Variants in GPC5 observed in about 807,000 individuals in gnomAD.
GPC5 encodes the protein glypican-5.
In GPC5, 47 loss-of-function variants were observed where a neutral mutation model predicts 53.9. The ratio of observed to expected loss-of-function variants is 0.87; its 90% CI spans 0.69 to 1.11. GPC5 has a LOEUF of 1.11. Ranked by LOEUF, GPC5 falls within the 50% of genes most tolerant of loss-of-function variation. The probability of loss-of-function intolerance (pLI) is 0.00; values close to 1 mark genes in which losing one functional copy is unlikely to be tolerated. For synonymous variants in GPC5, 286 were observed against 263.3 expected (o/e 1.09, Z -0.84); for missense variants, 748 against 713.1 (o/e 1.05, Z -0.56).
chr13:92,739,727 AAG>A (rs142048278), intron 7 of GPC5, among the ~76,000 whole-genome samples: 50 of 148,180 alleles, frequency 3.4e-4, no homozygotes, highest in Admixed American at 8.1e-4. Flanking sequence ...AAGAAAAAAA[AAG>A]AGAGAGAGAG....
At chr13:92,726,420 T>C (rs1460800554) in intron 7 of GPC5, among the ~76,000 whole-genome samples, 1 of 151,584 alleles carries the variant, frequency 6.6e-6, no homozygotes, top group African/African-American at 2.4e-5. Context: ...TGAGACAGGA[T>C]CTAACTCTAT....
chr13:92,476,666 T>G (rs1879145510), intron 7 of GPC5, among the ~76,000 whole-genome samples: 1 of 149,046 alleles, frequency 6.7e-6, no homozygotes, highest in Admixed American at 6.6e-5. Flanking sequence ...AATGATAGAC[T>G]GGATTAAGAA....
At chr13:91,860,813 T>G (rs1270008596) in intron 5 of GPC5, among the ~76,000 whole-genome samples, 1 of 152,218 alleles carries the variant, frequency 6.6e-6, no homozygotes, top group Admixed American at 6.5e-5. Context: ...GTATACCATA[T>G]TTTCTTTATC....
intron 2 of GPC5, 135 bp from the exon 3 acceptor site, chr13:91,693,052 T>C: frequency 1.5e-6 from 1 of 666,778 alleles, no homozygotes; most frequent in South Asian, 2.0e-5. Flanking sequence ...GAAAGCTGAA[T>C]TTGGTTGAGT....
intron 7 of GPC5, among the ~76,000 whole-genome samples, chr13:92,767,139 T>C (rs1875433779): frequency 6.6e-6 from 1 of 152,148 alleles, no homozygotes; most frequent in African/African-American, 2.4e-5. Context: ...TTGTTTTTGT[T>C]TGTTTGTTTG....
chr13:92,199,890 T>C (rs1234550944), intron 7 of GPC5, among the ~76,000 whole-genome samples: 3 of 152,202 alleles, frequency 2.0e-5, no homozygotes, highest in African/African-American at 7.2e-5. Flanking sequence ...AGGAATTTCT[T>C]TGAGAAAATA....
intron 5 of GPC5, among the ~76,000 whole-genome samples, chr13:91,857,941 A>G (rs1215404273): frequency 3.3e-5 from 5 of 151,574 alleles, no homozygotes; most frequent in Non-Finnish European, 1.5e-5. Flanking sequence ...GGATGTTAAA[A>G]TAACTTTTTA....
Position 92,126,734 on chromosome 13 carries a change from GA to G in GPC5, c.1402-18089del, listed in dbSNP as rs571029749. Among the ~76,000 whole-genome samples the G allele has an allele frequency of 1.7e-3, 251 of 152,052 alleles. 2 individuals carry two copies. Among genetic ancestry groups the G allele is most frequent in the African/African-American group, 5.8e-3 (239 of 41,478 alleles). On this transcript the variant is annotated intron_variant, in intron 6 of 7. Transcript: ENST00000377067. ...ATCATAAAATGGATTTGAGTAGAGA[GA>G]AAAAAACTCATTAAAACATGTAGGG... is the stretch of plus-strand genomic sequence containing the variant.
intron 7 of GPC5, among the ~76,000 whole-genome samples, chr13:92,808,531 T>TA (rs1410116435): frequency 6.6e-6 from 1 of 152,092 alleles, no homozygotes; most frequent in Non-Finnish European, 1.5e-5. Flanking sequence ...CATGAAGGTT[T>TA]AATTATAAAG....
At chr13:91,711,216 G>C (rs342687) in intron 3 of GPC5, among the ~76,000 whole-genome samples, 17,045 of 152,172 alleles carry the variant, frequency 0.11, 1,078 homozygotes, top group East Asian at 0.25. Context: ...AGATGTCCAT[G>C]AATGATAGAC....
chr13:91,528,427 A>G (rs1220290647), intron 2 of GPC5, among the ~76,000 whole-genome samples: 5 of 152,156 alleles, frequency 3.3e-5, no homozygotes, highest in African/African-American at 7.2e-5. Context: ...CCAATTCTCA[A>G]TAAGTTCCTC....
chr13:92,121,931 G>T (rs2041653042), intron 6 of GPC5, among the ~76,000 whole-genome samples: 1 of 152,110 alleles, frequency 6.6e-6, no homozygotes, highest in African/African-American at 2.4e-5. Flanking sequence ...TGAACGTAAG[G>T]ATATTTTCAT....
chr13:91,515,832 A>G (rs993630979), intron 2 of GPC5, among the ~76,000 whole-genome samples: 48 of 152,210 alleles, frequency 3.2e-4, no homozygotes, highest in African/African-American at 1.1e-3. Context: ...TGAGAAGAAA[A>G]AGAGGTTTAA....
intron 1 of GPC5, among the ~76,000 whole-genome samples, chr13:91,423,382 C>T (rs1878779180): frequency 6.6e-6 from 1 of 152,090 alleles, no homozygotes; most frequent in Non-Finnish European, 1.5e-5. Flanking sequence ...ATCATTAAGG[C>T]TTATAGTCTA....
At chr13:92,560,177 T>C (rs1180353533) in intron 7 of GPC5, among the ~76,000 whole-genome samples, 3 of 151,934 alleles carry the variant, frequency 2.0e-5, no homozygotes, top group African/African-American at 7.2e-5. Flanking sequence ...TTTTTCAACA[T>C]ATGAAACAAT....
chr13:92,113,911 G>T (rs2041578853), intron 6 of GPC5, among the ~76,000 whole-genome samples: 1 of 152,062 alleles, frequency 6.6e-6, no homozygotes, highest in South Asian at 2.1e-4. Flanking sequence ...AGAACATTTG[G>T]TATCATTGTT....
chr13:91,977,313 T>A (rs1329946000), intron 6 of GPC5, among the ~76,000 whole-genome samples: 1 of 152,260 alleles, frequency 6.6e-6, no homozygotes, highest in Admixed American at 6.5e-5. Context: ...TGAGTGAAAA[T>A]CAATGCTTAG....
chr13:92,651,166 T>C (rs1216347649), intron 7 of GPC5, among the ~76,000 whole-genome samples: 1 of 148,976 alleles, frequency 6.7e-6, no homozygotes, highest in East Asian at 2.2e-4. Flanking sequence ...TAAACTCCCC[T>C]TTATATATAT....
At chr13:92,513,185 C>T (rs573642791) in intron 7 of GPC5, among the ~76,000 whole-genome samples, 2 of 152,294 alleles carry the variant, frequency 1.3e-5, no homozygotes, top group South Asian at 2.1e-4. Context: ...ATCAGCAGGC[C>T]GCCTTTTCCT....
Sources: gnomAD v4.1 joint callset for allele counts (sites outside exome capture counted in the v4.1 genomes callset) on GRCh38, gnomAD v4.1.1 for gene constraint, MANE v1.5 for transcripts, NCBI Gene and HGNC (gene_info 2026-07-23, HGNC 2026-07-21) for gene names.